CSMD3: variants seen among roughly 807,000 people sequenced by gnomAD.
CSMD3 encodes CUB and Sushi multiple domains 3, also known as CUB and sushi domain-containing protein 3.
CSMD3 carries 177 observed loss-of-function variants against 435.2 expected under a neutral mutation model. That is an observed-to-expected ratio of 0.41 (90% CI 0.36 to 0.46). The LOEUF is 0.46. CSMD3 is among the 20% of genes least tolerant of loss of function. The probability of loss-of-function intolerance (pLI) is 0.34; values close to 1 mark genes in which losing one functional copy is unlikely to be tolerated. For missense variants in CSMD3, 4,265 were observed against 4,504.6 expected, an observed-to-expected ratio of 0.95 and a Z score of 1.52; for synonymous variants, 1,656 against 1,520.5, an observed-to-expected ratio of 1.09 and a Z score of -2.07.
chr8:112,290,723 C>T (rs1247010119), intron 56 of CSMD3, among the ~76,000 whole-genome samples: 4 of 151,864 alleles, frequency 2.6e-5, no homozygotes, highest in African/African-American at 4.8e-5. Context: ...CAAAAATGAA[C>T]GATTTCTTCA....
intron 31 of CSMD3, among the ~76,000 whole-genome samples, chr8:112,489,263 T>A (rs1471510576): frequency 1.3e-5 from 2 of 151,412 alleles, no homozygotes; most frequent in African/African-American, 2.4e-5. Flanking sequence ...GCAAAAAAAA[T>A]AAAAATAAAA....
At position 112,661,188 on chromosome 8, in the gene CSMD3, C is replaced by T. The variant is rs2075371551; in HGVS notation, c.2817-4847G>A. Among the ~76,000 whole-genome samples, 3 of 151,916 alleles carry T rather than the reference C, an allele frequency of 2.0e-5. No homozygotes were observed. In the South Asian group the frequency reaches 6.2e-4, roughly 32 times the overall value. On this transcript the variant is annotated intron_variant, in intron 17 of 70. Transcript: ENST00000297405. Reference sequence around the variant, plus strand: ...GCAGAGTAAAACGTGCTAAGTAACGCTATAGAAATTAATTTAAGTTTATGC... The same window carrying T: ...GCAGAGTAAAACGTGCTAAGTAACGTTATAGAAATTAATTTAAGTTTATGC...
chr8:112,860,024 G>A (rs1250408338), intron 10 of CSMD3, among the ~76,000 whole-genome samples: 2 of 151,732 alleles, frequency 1.3e-5, no homozygotes, highest in Admixed American at 1.3e-4. Context: ...ATGATGAACA[G>A]TTAAATGTAT....
At chr8:112,729,794 G>A (rs1351822417) in intron 13 of CSMD3, among the ~76,000 whole-genome samples, 1 of 152,014 alleles carries the variant, frequency 6.6e-6, no homozygotes, top group African/African-American at 2.4e-5. Flanking sequence ...AGAAATGCTG[G>A]GGCAACCACT....
intron 22 of CSMD3, among the ~76,000 whole-genome samples, chr8:112,636,506 T>G (rs572809015): frequency 2.6e-5 from 4 of 152,090 alleles, no homozygotes; most frequent in Admixed American, 2.6e-4. Context: ...ATATCATCTA[T>G]CTTTCTCCAT....
chr8:112,777,307 T>C (rs2078270773), intron 13 of CSMD3, among the ~76,000 whole-genome samples: 1 of 151,804 alleles, frequency 6.6e-6, no homozygotes, highest in South Asian at 2.1e-4. Flanking sequence ...AAATAAATAT[T>C]GGTTGTATTT....
intron 11 of CSMD3, 76 bp downstream of exon 11, chr8:112,859,069 A>G (rs2080749064): frequency 4.4e-6 from 6 of 1,369,446 alleles, no homozygotes; most frequent in East Asian, 2.3e-5. Context: ...TCCATACTGC[A>G]TGTTCCGTAT....
Position 112,302,102 on chromosome 8 carries a change from T to A in CSMD3, c.8267-136A>T, listed in dbSNP as rs550573599. ...GGAAATTGGCATTTGTAAAACATGT[T>A]TGAATGAGTGTGAAAGTAGGGAGAA... On this transcript the variant is annotated intron_variant, in intron 52 of 70. Transcript: ENST00000297405. 6 of 680,752 alleles carry A rather than the reference T, an allele frequency of 8.8e-6. No homozygotes were observed. The African/African-American group carries it at 8.9e-5, about 10-fold the overall frequency. The allele number at this position is 680,752 out of a possible 1,614,324, so 42.2% of individuals were successfully genotyped here. A position where few individuals can be genotyped will look rare whatever the true frequency, so the allele number is the denominator to read the frequency against.
At chr8:112,978,965 A>G (rs2084949833) in intron 6 of CSMD3, among the ~76,000 whole-genome samples, 1 of 152,102 alleles carries the variant, frequency 6.6e-6, no homozygotes, top group African/African-American at 2.4e-5. Context: ...CACAAATGGA[A>G]TATGATTATA....
intron 22 of CSMD3, among the ~76,000 whole-genome samples, chr8:112,617,318 T>G (rs969790496): frequency 6.6e-6 from 1 of 152,190 alleles, no homozygotes; most frequent in Non-Finnish European, 1.5e-5. Flanking sequence ...GGCAAAATAT[T>G]GGCAATCTGT....
intron 3 of CSMD3, among the ~76,000 whole-genome samples, chr8:113,219,084 T>C (rs979841828): frequency 1.3e-5 from 2 of 151,392 alleles, no homozygotes; most frequent in East Asian, 1.9e-4. Context: ...CTTAATGTAA[T>C]ATTGTATAAA....
chr8:112,723,665 A>G (rs1422907898), intron 13 of CSMD3, among the ~76,000 whole-genome samples: 1 of 152,160 alleles, frequency 6.6e-6, no homozygotes, highest in Non-Finnish European at 1.5e-5. Flanking sequence ...GATTCAAAGC[A>G]GAAGCTTTGG....
At chr8:113,112,812 T>C (rs2090702945) in intron 4 of CSMD3, among the ~76,000 whole-genome samples, 1 of 152,140 alleles carries the variant, frequency 6.6e-6, no homozygotes, top group Non-Finnish European at 1.5e-5. Context: ...AGTTTTGTTT[T>C]GTTTCTGAGC....
At chr8:113,210,941 G>A (rs942554331) in intron 3 of CSMD3, among the ~76,000 whole-genome samples, 7 of 152,012 alleles carry the variant, frequency 4.6e-5, no homozygotes, top group Middle Eastern at 3.4e-3. Flanking sequence ...TGCAGTCAAG[G>A]GCAAACCCTG....
intron 22 of CSMD3, among the ~76,000 whole-genome samples, chr8:112,591,558 G>A (rs1262853451): frequency 6.6e-6 from 1 of 152,058 alleles, no homozygotes; most frequent in Non-Finnish European, 1.5e-5. Flanking sequence ...TTTTAAAAAT[G>A]TGCATTACAA....
chr8:112,285,442 A>G (rs532975320), intron 58 of CSMD3, among the ~76,000 whole-genome samples: 7 of 152,284 alleles, frequency 4.6e-5, no homozygotes, highest in South Asian at 4.1e-4. Context: ...CCCAGTTACA[A>G]AAAGATAACT....
At chr8:112,467,480 G>A (rs1202186620) in intron 32 of CSMD3, among the ~76,000 whole-genome samples, 2 of 151,998 alleles carry the variant, frequency 1.3e-5, no homozygotes, top group Admixed American at 6.6e-5. Context: ...CAGCTGATGC[G>A]TGCTTTATAC....
At chr8:112,302,227 T>C (rs78507040) in intron 52 of CSMD3, among the ~76,000 whole-genome samples, 53 of 149,036 alleles carry the variant, frequency 3.6e-4, no homozygotes, top group Non-Finnish European at 3.4e-4. Context: ...TTTTTTTTTT[T>C]GCATTTTTCG....
chr8:112,281,942 T>A (rs566806338), intron 58 of CSMD3, among the ~76,000 whole-genome samples: 1 of 152,106 alleles, frequency 6.6e-6, no homozygotes, highest in Non-Finnish European at 1.5e-5. Context: ...TAAGTTTCAA[T>A]ATATTCTAAA....
Sources: allele counts gnomAD v4.1 joint callset (sites outside exome capture counted in the v4.1 genomes callset), GRCh38; gene constraint gnomAD v4.1.1; transcripts MANE v1.5; gene names NCBI Gene and HGNC (gene_info 2026-07-23, HGNC 2026-07-21).